The following MDGA2 variants were observed in gnomAD, a reference collection of about 807,000 sequenced individuals.
The protein encoded by MDGA2 is MAM domain-containing glycosylphosphatidylinositol anchor protein 2.
A neutral mutation model predicts 117.8 loss-of-function variants in MDGA2; 40 were observed. That is an observed-to-expected ratio of 0.34 (90% CI 0.26 to 0.44). MDGA2 has a LOEUF of 0.44. Among genes scored for constraint, MDGA2 ranks in the 20% least tolerant of loss-of-function variants. The pLI is 1.00. For synonymous variants in MDGA2, 452 were observed against 439.0 expected (o/e 1.03, Z -0.37); for missense variants, 1,123 against 1,250.6 (o/e 0.90, Z 1.54).
chr14:46,981,754 G>A (rs1029576154), intron 8 of MDGA2, among the ~76,000 whole-genome samples: 4 of 152,150 alleles, frequency 2.6e-5, no homozygotes, highest in African/African-American at 4.8e-5. Flanking sequence ...GAAAGAAGTC[G>A]AGAAAATTGT....
intron 3 of MDGA2, among the ~76,000 whole-genome samples, chr14:47,195,778 A>T (rs1885268552): frequency 6.6e-6 from 1 of 152,084 alleles, no homozygotes; most frequent in Admixed American, 6.6e-5. Flanking sequence ...CAATCTGTGG[A>T]TAACATCTTA....
intron 1 of MDGA2, among the ~76,000 whole-genome samples, chr14:47,382,567 A>G (rs1388247796): frequency 6.6e-6 from 1 of 152,248 alleles, no homozygotes; most frequent in East Asian, 1.9e-4. Flanking sequence ...CACTTCTCGA[A>G]AGAAGACATT....
intron 1 of MDGA2, among the ~76,000 whole-genome samples, chr14:47,642,735 C>T (rs17683363): frequency 0.069 from 10,522 of 152,002 alleles, 435 homozygotes; most frequent in South Asian, 0.09. Context: ...ATTCCATAAC[C>T]CAACTTCTGT....
intron 1 of MDGA2, among the ~76,000 whole-genome samples, chr14:47,393,256 T>C (rs552342043): frequency 6.6e-6 from 1 of 151,804 alleles, no homozygotes; most frequent in Admixed American, 6.6e-5. Context: ...TTCACATCGA[T>C]GAGAATCTGT....
chr14:47,137,497 T>C (rs1280425075), intron 4 of MDGA2, among the ~76,000 whole-genome samples: 1 of 152,014 alleles, frequency 6.6e-6, no homozygotes, highest in East Asian at 1.9e-4. Context: ...TAAAAAGAAA[T>C]CTGATACCTC....
chr14:47,588,821 C>T (rs1328924065), intron 1 of MDGA2, among the ~76,000 whole-genome samples: 1 of 151,896 alleles, frequency 6.6e-6, no homozygotes, highest in Non-Finnish European at 1.5e-5. Flanking sequence ...ACAGAATTAT[C>T]ATATTACAGT....
intron 6 of MDGA2, among the ~76,000 whole-genome samples, chr14:47,094,097 T>C (rs184411409): frequency 8.0e-5 from 12 of 150,814 alleles, no homozygotes; most frequent in African/African-American, 3.0e-4. Context: ...AGATGCCTCA[T>C]ATTATTGTAG....
At chr14:47,635,120 T>C (rs1897301638) in intron 1 of MDGA2, among the ~76,000 whole-genome samples, 2 of 152,206 alleles carry the variant, frequency 1.3e-5, no homozygotes, top group African/African-American at 4.8e-5. Context: ...TGGTAAACAA[T>C]ATTTATGAGT....
chr14:46,972,037 C>G (rs1450726827), intron 8 of MDGA2, among the ~76,000 whole-genome samples: 2 of 152,050 alleles, frequency 1.3e-5, no homozygotes, highest in African/African-American at 4.8e-5. Flanking sequence ...AGTCAACTAT[C>G]AAACCTGAGG....
rs541663081 is a variant in MDGA2 at position 47,674,395 on chromosome 14, G to A, written c.280+122C>T. On this transcript the variant is annotated intron_variant, in intron 1 of 16. Transcript: ENST00000399232. ...TCTTTATCGCTCCCAATAACGTGATGAAGTGTAAATCAAATGCCACGCCGG... is the reference window on the plus strand; with the variant it reads ...TCTTTATCGCTCCCAATAACGTGATAAAGTGTAAATCAAATGCCACGCCGG... 38 of 792,560 alleles carry A rather than the reference G, an allele frequency of 4.8e-5. 3 individuals carry two copies. In the South Asian group the frequency reaches 5.2e-4, roughly 11 times the overall value. 49.1% of individuals were successfully genotyped at this position (792,560 alleles called of 1,614,324 possible).
At chr14:47,320,737 T>C (rs1012125642) in intron 1 of MDGA2, among the ~76,000 whole-genome samples, 1 of 152,164 alleles carries the variant, frequency 6.6e-6, no homozygotes, top group African/African-American at 2.4e-5. Context: ...TAAACTTACA[T>C]ATAGTAAACT....
chr14:47,174,344 CATT>C (rs577050450), intron 3 of MDGA2, among the ~76,000 whole-genome samples: 21 of 152,286 alleles, frequency 1.4e-4, no homozygotes, highest in Non-Finnish European at 2.5e-4. Flanking sequence ...ACAGAATATA[CATT>C]TTTTTCAGCA....
At chr14:47,577,254 TC>T (rs1896132802) in intron 1 of MDGA2, among the ~76,000 whole-genome samples, 2 of 152,100 alleles carry the variant, frequency 1.3e-5, no homozygotes. Flanking sequence ...CTGAATCCCT[TC>T]CTTACACCTC....
intron 1 of MDGA2, among the ~76,000 whole-genome samples, chr14:47,383,458 A>G (rs1295270502): frequency 6.6e-6 from 1 of 152,180 alleles, no homozygotes; most frequent in Non-Finnish European, 1.5e-5. Context: ...TGATTCATTG[A>G]AGAAATATTA....
chr14:47,315,346 C>T (rs1008101061), intron 1 of MDGA2, among the ~76,000 whole-genome samples: 2 of 152,024 alleles, frequency 1.3e-5, no homozygotes, highest in African/African-American at 4.8e-5. Context: ...GAAAGCTCAC[C>T]CTCTTCTTTG....
intron 9 of MDGA2, among the ~76,000 whole-genome samples, chr14:46,950,231 A>T (rs1453277433): frequency 6.6e-6 from 1 of 151,926 alleles, no homozygotes; most frequent in Non-Finnish European, 1.5e-5. Flanking sequence ...CAGATTTCGC[A>T]TGGATTCCCC....
At chr14:46,957,283 AC>A in intron 9 of MDGA2, 90 bp downstream of exon 9, 1 of 1,277,894 alleles carries the variant, frequency 7.8e-7, no homozygotes, top group Non-Finnish European at 1.1e-6. Flanking sequence ...CCATTGATTT[AC>A]AAATGTTTTC....
intron 2 of MDGA2, among the ~76,000 whole-genome samples, chr14:47,222,311 A>T (rs1886331830): frequency 1.3e-5 from 2 of 151,960 alleles, no homozygotes; most frequent in South Asian, 4.1e-4. Flanking sequence ...TAATAAGATT[A>T]AATTAATAAT....
At position 46,904,646 on chromosome 14, in the gene MDGA2, C is replaced by T. The variant is rs998515980; in HGVS notation, c.2238+15366G>A. On this transcript the variant is annotated intron_variant, in intron 10 of 16. Transcript: ENST00000399232. ...ATATTTGAGAAAATTCATACCAAAG[C>T]CATTTATTTTTATCAAACATTTTTA... Among the ~76,000 whole-genome samples, 5 of 152,258 alleles carry T rather than the reference C, an allele frequency of 3.3e-5. No homozygotes were observed. In the East Asian group the frequency reaches 7.7e-4, roughly 23 times the overall value.
Sources: allele counts gnomAD v4.1 joint callset (sites outside exome capture counted in the v4.1 genomes callset), GRCh38; gene constraint gnomAD v4.1.1; transcripts MANE v1.5; gene names NCBI Gene and HGNC (gene_info 2026-07-23, HGNC 2026-07-21).